Variants in NAV2 observed in about 807,000 individuals in gnomAD.
NAV2 encodes helicase, APC down-regulated 1.
A neutral mutation model predicts 223.2 loss-of-function variants in NAV2; 54 were observed. That is an observed-to-expected ratio of 0.24 (90% CI 0.19 to 0.30). The LOEUF is 0.30. Among genes scored for constraint, NAV2 ranks in the 10% least tolerant of loss-of-function variants. The probability of loss-of-function intolerance (pLI) is 1.00; values close to 1 mark genes in which losing one functional copy is unlikely to be tolerated. For synonymous variants in NAV2, 1,279 were observed against 1,239.3 expected, an observed-to-expected ratio of 1.03 and a Z score of -0.67; for missense variants, 2,806 against 3,147.5, an observed-to-expected ratio of 0.89 and a Z score of 2.60.
At chr11:19,466,360 C>T (rs1163903924) in intron 1 of NAV2, among the ~76,000 whole-genome samples, 2 of 152,210 alleles carry the variant, frequency 1.3e-5, no homozygotes, top group African/African-American at 2.4e-5. Context: ...ACGTGGCTGG[C>T]AGCTACACTC....
intron 1 of NAV2, among the ~76,000 whole-genome samples, chr11:19,674,656 C>T (rs1369582342): frequency 6.6e-6 from 1 of 152,186 alleles, no homozygotes; most frequent in East Asian, 1.9e-4. Flanking sequence ...ACCTAGAGAG[C>T]AGGTTTTCCT....
At chr11:19,623,019 T>C (rs998166984) in intron 1 of NAV2, among the ~76,000 whole-genome samples, 2 of 152,208 alleles carry the variant, frequency 1.3e-5, no homozygotes, top group Non-Finnish European at 2.9e-5. Context: ...CTCCTTCACT[T>C]ATGAAGCTTA....
At chr11:20,104,991 A>G (rs1335420741) in intron 34 of NAV2, 1 of 152,748 alleles carries the variant, frequency 6.5e-6, no homozygotes, top group African/African-American at 2.4e-5. Flanking sequence ...TTATCTGTCC[A>G]GTCTCAGCCC....
At chr11:19,859,175 G>A (rs1300871079) in intron 3 of NAV2, among the ~76,000 whole-genome samples, 1 of 101,940 alleles carries the variant, frequency 9.8e-6, no homozygotes, top group South Asian at 4.4e-4. Context: ...TCATTCTTGG[G>A]TGTTTCTCGC....
chr11:20,072,831 T>G (rs2059485239), intron 22 of NAV2, among the ~76,000 whole-genome samples: 1 of 152,186 alleles, frequency 6.6e-6, no homozygotes, highest in Non-Finnish European at 1.5e-5. Flanking sequence ...TAAGGAGATT[T>G]TGGGCTGAGA....
intron 11 of NAV2, chr11:20,027,186 ATACC>A (rs1272921621): frequency 1.2e-6 from 1 of 825,374 alleles, no homozygotes; most frequent in Non-Finnish European, 1.5e-6. Context: ...AATAGTTAAC[ATACC>A]TGTTTGGTGG....
chr11:19,857,063 C>T (rs1327465245), intron 3 of NAV2, among the ~76,000 whole-genome samples: 7 of 152,232 alleles, frequency 4.6e-5, no homozygotes, highest in Non-Finnish European at 1.0e-4. Flanking sequence ...CCTTCCTCTA[C>T]AGATTATTCC....
At chr11:19,947,114 A>G (rs1481148804) in intron 9 of NAV2, among the ~76,000 whole-genome samples, 1 of 152,208 alleles carries the variant, frequency 6.6e-6, no homozygotes, top group African/African-American at 2.4e-5. Flanking sequence ...GAAATCAAGG[A>G]AAGTTCTTGT....
chr11:19,509,052 C>T (rs917784246), intron 1 of NAV2, among the ~76,000 whole-genome samples: 10 of 152,192 alleles, frequency 6.6e-5, no homozygotes, highest in Admixed American at 3.3e-4. Flanking sequence ...ATTGTATCCT[C>T]AAATACCCTG....
At chr11:19,878,390 T>G (rs1350722247) in intron 4 of NAV2, among the ~76,000 whole-genome samples, 1 of 152,204 alleles carries the variant, frequency 6.6e-6, no homozygotes, top group African/African-American at 2.4e-5. Context: ...GTGCTCCCAT[T>G]AGTTCTGCAA....
intron 26 of NAV2, among the ~76,000 whole-genome samples, chr11:20,085,938 C>T (rs1286480828): frequency 2.0e-5 from 3 of 152,202 alleles, no homozygotes; most frequent in Non-Finnish European, 4.4e-5. Context: ...TTGGTGAACA[C>T]ATAGCAGCCT....
rs1267943322 is a variant in NAV2 at position 19,868,904 on chromosome 11, AT to A, written c.439-19del. On this transcript the variant is annotated intron_variant, in intron 3 of 37. Transcript: ENST00000349880. ...GAGGCTGAACATTTATTAAGTATAT[AT>A]TGTTGTTTTTCCCTCCTAGATTGAA... 5.0e-6 allele frequency: 8 copies of A among 1,611,426 alleles called. No individual in the cohort carries two copies. The highest frequency in any genetic ancestry group is 6.8e-6 in the Non-Finnish European group (8 of 1,178,072).
intron 20 of NAV2, among the ~76,000 whole-genome samples, chr11:20,066,516 T>C (rs1398455888): frequency 6.6e-6 from 1 of 152,182 alleles, no homozygotes; most frequent in East Asian, 1.9e-4. Context: ...GCTCCGTGTA[T>C]TTAAAAATTG....
chr11:19,724,832 G>A (rs2051101595), intron 1 of NAV2, among the ~76,000 whole-genome samples: 1 of 152,218 alleles, frequency 6.6e-6, no homozygotes, highest in South Asian at 2.1e-4. Context: ...CTAGCTGGAA[G>A]CCAGAGAGAC....
intron 11 of NAV2, among the ~76,000 whole-genome samples, chr11:20,001,338 T>C (rs2052523167): frequency 6.6e-6 from 1 of 152,170 alleles, no homozygotes; most frequent in Non-Finnish European, 1.5e-5. Flanking sequence ...CTTTACCTTC[T>C]TTTTTCCTAT....
intron 11 of NAV2, 123 bp from the exon 12 acceptor site, chr11:20,035,836 T>A (rs1488972943): frequency 3.6e-6 from 4 of 1,114,352 alleles, no homozygotes. Context: ...CAAGAGAGCT[T>A]TGTCCGGGGC....
chr11:19,595,828 C>T (rs2046194378), intron 1 of NAV2, among the ~76,000 whole-genome samples: 1 of 147,884 alleles, frequency 6.8e-6, no homozygotes, highest in African/African-American at 2.7e-5. Flanking sequence ...TCCCAAAGTG[C>T]TGGGATTACA....
chr11:19,637,655 A>G (rs2135536775), intron 1 of NAV2, among the ~76,000 whole-genome samples: 1 of 152,314 alleles, frequency 6.6e-6, no homozygotes, highest in African/African-American at 2.4e-5. Flanking sequence ...CAGGCATCTC[A>G]TGTGGCAAGA....
At chr11:19,961,572 GA>G (rs1200236763) in intron 10 of NAV2, among the ~76,000 whole-genome samples, 1 of 152,174 alleles carries the variant, frequency 6.6e-6, no homozygotes, top group Non-Finnish European at 1.5e-5. Context: ...ATGTACAATG[GA>G]AATGGAAGAA....
Sources: allele counts gnomAD v4.1 joint callset (sites outside exome capture counted in the v4.1 genomes callset), GRCh38; gene constraint gnomAD v4.1.1; transcripts MANE v1.5; gene names NCBI Gene and HGNC (gene_info 2026-07-23, HGNC 2026-07-21).